Variants in PPP1R42 observed in about 807,000 individuals in gnomAD.
PPP1R42 encodes the protein leucine rich repeat containing 67.
Under a neutral mutation model 31.0 loss-of-function variants are expected in PPP1R42, and 34 were observed. That is an observed-to-expected ratio of 1.10 (90% confidence interval 0.83 to 1.46). The LOEUF (loss-of-function observed/expected upper bound fraction) is 1.46. PPP1R42 is among the 40% of genes most tolerant of loss of function. PPP1R42 has a pLI of 0.00. For missense variants in PPP1R42, 268 were observed against 303.0 expected, an observed-to-expected ratio of 0.88 and a Z score of 0.86; for synonymous variants, 103 against 109.8, an observed-to-expected ratio of 0.94 and a Z score of 0.39.
chr8:66,967,528 T>C (rs1814418270), intron 7 of PPP1R42, among the ~76,000 whole-genome samples: 1 of 152,224 alleles, frequency 6.6e-6, no homozygotes, highest in Admixed American at 6.5e-5. Flanking sequence ...TAAAAATTCT[T>C]CCCTAAGCAC....
At chr8:66,992,128 G>T (rs961949669) in intron 5 of PPP1R42, among the ~76,000 whole-genome samples, 2 of 151,994 alleles carry the variant, frequency 1.3e-5, no homozygotes, top group Non-Finnish European at 2.9e-5. Context: ...TCGTACCCTG[G>T]TCACCACTCC....
In PPP1R42 at chr8:67,013,028, T is replaced by A. The variant is rs775528854; in HGVS notation, c.365A>T (p.His122Leu). The A allele has an allele frequency of 2.3e-5, 37 of 1,612,444 alleles. No homozygotes were observed. The highest frequency in any genetic ancestry group is 2.8e-5 in the Non-Finnish European group (33 of 1,179,290). The change falls in exon 4 of 8, where the codon CAT (histidine) becomes CTT (leucine). Residue 122 changes from histidine (H) to leucine (L), a missense_variant. His to Leu is a moderately conservative substitution (Grantham distance 99). Coordinates refer to ENST00000685739, the MANE Select transcript of PPP1R42 (RefSeq NM_001364910.1). ...LEGLGELRELHVENQRLPLGE... is the reference protein window; with the variant it reads ...LEGLGELRELLVENQRLPLGE... Reference sequence around the variant, plus strand: ...AAGGGGAAGCCTCTGATTCTCAACATGAAGCTCTCTTAGTTCTCCTAATCC... The same window carrying A: ...AAGGGGAAGCCTCTGATTCTCAACAAGAAGCTCTCTTAGTTCTCCTAATCC...
intron 4 of PPP1R42, 69 bp downstream of exon 4, chr8:67,012,889 C>T: frequency 7.0e-7 from 1 of 1,427,190 alleles, no homozygotes. Context: ...ATACCTTCAC[C>T]ACATTCCTGT....
chr8:67,014,493 A>G lies in PPP1R42; in HGVS notation c.229T>C (p.Leu77=). ...GAAATACAATTGTTTTGTAGGTACAAGTGGGTCAGATTTGTGGCATAATTC... is the reference window on the plus strand; with the variant it reads ...GAAATACAATTGTTTTGTAGGTACAGGTGGGTCAGATTTGTGGCATAATTC... ...NLNYATNLTH[L]YLQNNCISCI... The change falls in exon 3 of 8, where the codon TTG becomes CTG. Residue 77 remains leucine (L), a synonymous_variant. Coordinates refer to ENST00000685739, the MANE Select transcript of PPP1R42 (RefSeq NM_001364910.1). 2 of 1,595,276 alleles carry G rather than the reference A, an allele frequency of 1.3e-6. No homozygotes were observed. Among genetic ancestry groups the G allele is most frequent in the Non-Finnish European group, 1.7e-6 (2 of 1,167,778 alleles).
intron 3 of PPP1R42, among the ~76,000 whole-genome samples, chr8:67,013,374 C>T (rs191110775): frequency 2.6e-5 from 4 of 151,304 alleles, no homozygotes; most frequent in Admixed American, 6.6e-5. Flanking sequence ...ATGAAAAGCC[C>T]GGGTAGATAG....
chr8:66,965,101 A>G (rs936713300), intron 7 of PPP1R42, among the ~76,000 whole-genome samples: 3 of 152,096 alleles, frequency 2.0e-5, no homozygotes, highest in Admixed American at 6.5e-5. Flanking sequence ...CATGTTGTTG[A>G]GTGTATCACT....
chr8:67,000,015 A>G (rs1488469329), intron 5 of PPP1R42, among the ~76,000 whole-genome samples: 3 of 151,994 alleles, frequency 2.0e-5, no homozygotes, highest in Non-Finnish European at 1.5e-5. Flanking sequence ...TATTAATTTT[A>G]TTAATATTTG....
chr8:67,001,343 G>A (rs1428878853), intron 5 of PPP1R42, among the ~76,000 whole-genome samples: 2 of 147,010 alleles, frequency 1.4e-5, no homozygotes, highest in Admixed American at 6.8e-5. Context: ...CACCATGCCC[G>A]GTTAAGATTG....
chr8:66,991,054 T>A (rs1051223153), intron 5 of PPP1R42, among the ~76,000 whole-genome samples: 1 of 152,214 alleles, frequency 6.6e-6, no homozygotes, highest in Non-Finnish European at 1.5e-5. Flanking sequence ...CTATACCTCA[T>A]GATAAATGGT....
Position 66,964,116 on chromosome 8 carries a change from CTTATA to C in PPP1R42, c.*200_*204del, listed in dbSNP as rs1298412872. The stretch of plus-strand genomic sequence containing the variant: ...TCAAACAATAACTTAAAAGTTTTTC[CTTATA>C]TTATGAGATACCATAAAGCTACAAA... On this transcript the variant is annotated 3_prime_UTR_variant, in exon 8 of 8. Coordinates refer to ENST00000685739, the MANE Select transcript of PPP1R42 (RefSeq NM_001364910.1). 15 of 368,070 alleles carry C rather than the reference CTTATA, an allele frequency of 4.1e-5. No homozygotes were observed. The highest frequency in any genetic ancestry group is 4.6e-5 in the Non-Finnish European group (9 of 197,362). The allele number at this position is 368,070 out of a possible 1,614,324, so 22.8% of individuals were successfully genotyped here.
At chr8:66,981,380 CTTTT>C (rs1175089191) in intron 7 of PPP1R42, among the ~76,000 whole-genome samples, 1 of 136,218 alleles carries the variant, frequency 7.3e-6, no homozygotes. Context: ...GATTTTTGCA[CTTTT>C]TTTTTTTTTT....
intron 6 of PPP1R42, among the ~76,000 whole-genome samples, chr8:66,983,371 CCTT>C (rs1309341019): frequency 1.3e-5 from 2 of 151,758 alleles, no homozygotes; most frequent in Non-Finnish European, 2.9e-5. Flanking sequence ...TGAACAATTC[CCTT>C]ATTATAGGAT....
intron 7 of PPP1R42, among the ~76,000 whole-genome samples, chr8:66,972,184 G>C (rs981339500): frequency 7.2e-5 from 11 of 152,104 alleles, no homozygotes; most frequent in African/African-American, 2.7e-4. Flanking sequence ...TATTACATAC[G>C]TGTATACAGG....
At chr8:67,019,874 C>T (rs1467333080) in intron 1 of PPP1R42, among the ~76,000 whole-genome samples, 7 of 150,810 alleles carry the variant, frequency 4.6e-5, no homozygotes, top group Middle Eastern at 3.4e-3. Context: ...GGCGACAGAG[C>T]GAGACTCCAC....
intron 5 of PPP1R42, among the ~76,000 whole-genome samples, chr8:67,006,355 A>T (rs1229451299): frequency 2.0e-5 from 3 of 152,036 alleles, no homozygotes; most frequent in Non-Finnish European, 2.9e-5. Context: ...TCACTCTGTT[A>T]TCCAGTCTGG....
chr8:66,997,150 A>G (rs1212766571), intron 5 of PPP1R42, among the ~76,000 whole-genome samples: 1 of 152,096 alleles, frequency 6.6e-6, no homozygotes, highest in Non-Finnish European at 1.5e-5. Flanking sequence ...GAGACTCTTA[A>G]AAATCAGTTG....
At chr8:67,011,396 A>G (rs1815840202) in intron 4 of PPP1R42, among the ~76,000 whole-genome samples, 1 of 152,116 alleles carries the variant, frequency 6.6e-6, no homozygotes, top group African/African-American at 2.4e-5. Context: ...GCATGGTGCC[A>G]CACGCCTGTA....
At position 66,982,150 on chromosome 8, in the gene PPP1R42, A is replaced by G; in HGVS notation, c.701T>C (p.Ile234Thr). 6.9e-7 allele frequency: 1 copy of G among 1,459,242 alleles called. No homozygotes were observed. The highest frequency in any genetic ancestry group is 9.0e-7 in the Non-Finnish European group (1 of 1,117,098). 90.4% of individuals were successfully genotyped at this position (1,459,242 alleles called of 1,614,324 possible). A position where few individuals can be genotyped will look rare whatever the true frequency, so the allele number is the denominator to read the frequency against. The change falls in exon 7 of 8, where the codon ATA (isoleucine) becomes ACA (threonine). Residue 234 changes from isoleucine (I) to threonine (T), a missense_variant. Ile to Thr is a moderately conservative substitution (Grantham distance 89, BLOSUM62 -1). Coordinates refer to ENST00000685739, the MANE Select transcript of PPP1R42 (RefSeq NM_001364910.1). ...CCAATTCATTAGGAATTGTCTTTCT[A>G]TATTTTTAATTTCTTTTCCATCAAG... ...EFLDGKEIKN[I>T]ERQFLMNWKA...
At chr8:67,026,253 G>C (rs1412862380) in intron 1 of PPP1R42, among the ~76,000 whole-genome samples, 1 of 151,798 alleles carries the variant, frequency 6.6e-6, no homozygotes, top group Non-Finnish European at 1.5e-5. Flanking sequence ...CAGGAGAATC[G>C]CTTGTACCCA....
Sources: allele counts gnomAD v4.1 joint callset (sites outside exome capture counted in the v4.1 genomes callset), GRCh38; gene constraint gnomAD v4.1.1; transcripts MANE v1.5; gene names NCBI Gene and HGNC (gene_info 2026-07-23, HGNC 2026-07-21).